The following ZNF385B variants were observed in gnomAD, a reference collection of about 807,000 sequenced individuals.
ZNF385B encodes the protein zinc finger protein 385B, also known as zinc finger protein 533.
A neutral mutation model predicts 39.2 loss-of-function variants in ZNF385B; 23 were observed. That is an observed-to-expected ratio of 0.59 (90% CI 0.42 to 0.83). The LOEUF is 0.83. Ranked by LOEUF, ZNF385B falls within the 40% of genes least tolerant of loss-of-function variation. ZNF385B has a pLI of 0.00. For missense variants in ZNF385B, 552 were observed against 598.9 expected, an observed-to-expected ratio of 0.92 and a Z score of 0.82; for synonymous variants, 205 against 222.6, an observed-to-expected ratio of 0.92 and a Z score of 0.70.
At chr2:179,579,020 T>C (rs1164049075) in intron 3 of ZNF385B, among the ~76,000 whole-genome samples, 1 of 152,132 alleles carries the variant, frequency 6.6e-6, no homozygotes, top group East Asian at 1.9e-4. Flanking sequence ...GTGTTGTTAC[T>C]TTATCCTGAC....
intron 4 of ZNF385B, among the ~76,000 whole-genome samples, chr2:179,531,120 A>C (rs1574639787): frequency 6.6e-6 from 1 of 152,234 alleles, no homozygotes; most frequent in East Asian, 1.9e-4. Flanking sequence ...CTTGAAAATG[A>C]AGAAAGATTT....
At chr2:179,557,174 C>T (rs549859176) in intron 3 of ZNF385B, among the ~76,000 whole-genome samples, 1 of 149,220 alleles carries the variant, frequency 6.7e-6, no homozygotes, top group South Asian at 2.2e-4. Flanking sequence ...GAGCTCACTG[C>T]CCATGAACAC....
At chr2:179,637,737 C>T (rs1033123079) in intron 3 of ZNF385B, among the ~76,000 whole-genome samples, 74 of 152,210 alleles carry the variant, frequency 4.9e-4, no homozygotes, top group African/African-American at 1.6e-3. Context: ...GGGGTGGGGA[C>T]CAGGATTTGC....
chr2:179,719,580 G>A (rs1012593623), intron 3 of ZNF385B, among the ~76,000 whole-genome samples: 2 of 152,200 alleles, frequency 1.3e-5, no homozygotes, highest in African/African-American at 2.4e-5. Flanking sequence ...CACTTGGTAT[G>A]ACCAGCAGTG....
At position 179,485,389 on chromosome 2, in the gene ZNF385B, G is replaced by A. The variant is rs553981809; in HGVS notation, c.553-1955C>T. Among the ~76,000 whole-genome samples the A allele has an allele frequency of 9.2e-5, 14 of 152,276 alleles. No homozygotes were observed. In the South Asian group the frequency reaches 2.9e-3, roughly 32 times the overall value. ...TAAGCCATCTAAGGTTGATTATTGT[G>A]TGTTGTTGAAGTGTTTCTTCTGACT... On this transcript the variant is annotated intron_variant, in intron 5 of 9. Coordinates refer to ENST00000410066, the MANE Select transcript of ZNF385B (RefSeq NM_152520.6).
intron 3 of ZNF385B, among the ~76,000 whole-genome samples, chr2:179,651,790 G>A (rs187781112): frequency 6.6e-6 from 1 of 152,208 alleles, no homozygotes; most frequent in African/African-American, 2.4e-5. Context: ...ATGATGAGCT[G>A]GTGTTAACAA....
At chr2:179,518,670 T>C (rs1213631624) in intron 4 of ZNF385B, 32 bp from the exon 5 acceptor site, 1 of 1,421,080 alleles carries the variant, frequency 7.0e-7, no homozygotes, top group East Asian at 2.4e-5. Flanking sequence ...AGTCAATTTG[T>C]AACTTCAAAG....
chr2:179,857,192 A>G (rs573833276), intron 1 of ZNF385B, among the ~76,000 whole-genome samples: 2 of 152,348 alleles, frequency 1.3e-5, no homozygotes, highest in South Asian at 2.1e-4. Context: ...TATTACACAA[A>G]TTGGTACTAC....
intron 3 of ZNF385B, among the ~76,000 whole-genome samples, chr2:179,618,613 C>T (rs906266238): frequency 1.3e-5 from 2 of 152,070 alleles, no homozygotes; most frequent in African/African-American, 4.8e-5. Context: ...TATCTAAAAC[C>T]AGGAGGTTAT....
chr2:179,566,933 GA>G (rs1684655085), intron 3 of ZNF385B, among the ~76,000 whole-genome samples: 1 of 56,478 alleles, frequency 1.8e-5, no homozygotes. Flanking sequence ...TTTTTTTTTT[GA>G]GACGGGGTCT....
intron 5 of ZNF385B, among the ~76,000 whole-genome samples, chr2:179,499,232 C>T (rs1209124504): frequency 2.0e-5 from 3 of 151,786 alleles, no homozygotes; most frequent in African/African-American, 7.3e-5. Context: ...ATAGATTCTA[C>T]CAAACATTGA....
intron 3 of ZNF385B, among the ~76,000 whole-genome samples, chr2:179,655,306 T>G (rs1005683052): frequency 6.6e-6 from 1 of 152,056 alleles, no homozygotes; most frequent in African/African-American, 2.4e-5. Flanking sequence ...GTGAAAACAT[T>G]GTGGAGGAGA....
chr2:179,508,332 C>T (rs369499450), intron 5 of ZNF385B, among the ~76,000 whole-genome samples: 15 of 152,280 alleles, frequency 9.9e-5, no homozygotes, highest in African/African-American at 3.6e-4. Flanking sequence ...TCCCAAACCA[C>T]AAATATATAA....
chr2:179,848,441 A>G (rs898820874), intron 1 of ZNF385B, among the ~76,000 whole-genome samples: 2 of 152,232 alleles, frequency 1.3e-5, no homozygotes, highest in Non-Finnish European at 2.9e-5. Flanking sequence ...TATTTTAATA[A>G]GAATGCTACT....
chr2:179,650,880 G>A (rs1399488430), intron 3 of ZNF385B, among the ~76,000 whole-genome samples: 6 of 152,020 alleles, frequency 3.9e-5, no homozygotes, highest in Non-Finnish European at 5.9e-5. Context: ...CAGTTAAGAC[G>A]CATTAAATCC....
At chr2:179,534,903 T>C (rs1310460237) in intron 4 of ZNF385B, 2 of 152,188 alleles carry the variant, frequency 1.3e-5, no homozygotes, top group African/African-American at 4.8e-5. Flanking sequence ...AATAAATAAA[T>C]GCTACTAGTT....
chr2:179,671,270 A>C (rs1695961930), intron 3 of ZNF385B, among the ~76,000 whole-genome samples: 1 of 152,194 alleles, frequency 6.6e-6, no homozygotes, highest in African/African-American at 2.4e-5. Flanking sequence ...TGTGATTTCC[A>C]GCTCAGCTCA....
At chr2:179,851,877 T>G (rs1684192751) in intron 1 of ZNF385B, among the ~76,000 whole-genome samples, 1 of 152,228 alleles carries the variant, frequency 6.6e-6, no homozygotes, top group Non-Finnish European at 1.5e-5. Context: ...AAATGTGATT[T>G]CAAGAATCAA....
chr2:179,542,034 G>T (rs1232238293), intron 4 of ZNF385B, among the ~76,000 whole-genome samples: 1 of 152,194 alleles, frequency 6.6e-6, no homozygotes, highest in African/African-American at 2.4e-5. Context: ...TACTTTGAGA[G>T]ATGTAAAACA....
Sources: gnomAD v4.1 joint callset for allele counts (sites outside exome capture counted in the v4.1 genomes callset) on GRCh38, gnomAD v4.1.1 for gene constraint, MANE v1.5 for transcripts, NCBI Gene and HGNC (gene_info 2026-07-23, HGNC 2026-07-21) for gene names.